WWOX: variants seen among roughly 807,000 people sequenced by gnomAD.
WWOX encodes the protein WW domain containing oxidoreductase.
In WWOX, 69 loss-of-function variants were observed where a neutral mutation model predicts 46.2. The ratio of observed to expected loss-of-function variants is 1.49; its 90% CI spans 1.23 to 1.82. The LOEUF is 1.82. Among genes scored for constraint, WWOX ranks in the 40% most tolerant of loss-of-function variants. The pLI is 0.00. For synonymous variants in WWOX, 359 were observed against 202.6 expected (o/e 1.77, Z -6.56); for missense variants, 919 against 542.6 (o/e 1.69, Z -6.89).
chr16:78,662,248 A>C (rs553293841), intron 8 of WWOX, among the ~76,000 whole-genome samples: 1 of 152,168 alleles, frequency 6.6e-6, no homozygotes, highest in Non-Finnish European at 1.5e-5. Flanking sequence ...ACCTCCTGCT[A>C]TCTGTACATA....
intron 8 of WWOX, among the ~76,000 whole-genome samples, chr16:78,991,863 G>A (rs1302546556): frequency 1.3e-5 from 2 of 152,088 alleles, no homozygotes; most frequent in African/African-American, 2.4e-5. Context: ...CTGTCCATGT[G>A]GGGCCCTGTG....
At chr16:78,230,695 A>G (rs1394976683) in intron 5 of WWOX, among the ~76,000 whole-genome samples, 1 of 152,214 alleles carries the variant, frequency 6.6e-6, no homozygotes, top group Non-Finnish European at 1.5e-5. Flanking sequence ...ATGGTCTCAG[A>G]TCCACTTCTA....
At chr16:78,816,118 C>T (rs1029420525) in intron 8 of WWOX, among the ~76,000 whole-genome samples, 1 of 152,138 alleles carries the variant, frequency 6.6e-6, no homozygotes, top group Admixed American at 6.6e-5. Flanking sequence ...AAATACTCCC[C>T]AAAATGAAGG....
chr16:79,011,391 A>T (rs548958218), intron 8 of WWOX, among the ~76,000 whole-genome samples: 3 of 151,874 alleles, frequency 2.0e-5, no homozygotes, highest in Non-Finnish European at 2.9e-5. Context: ...TTGGTGTTCG[A>T]TCTGGAATCT....
At chr16:78,569,601 G>C (rs953699786) in intron 8 of WWOX, among the ~76,000 whole-genome samples, 1 of 152,162 alleles carries the variant, frequency 6.6e-6, no homozygotes, top group Admixed American at 6.5e-5. Flanking sequence ...TGTTGAAAAA[G>C]AATCGCTGTA....
chr16:78,966,834 G>A lies in WWOX; in HGVS notation c.1057-244774G>A, dbSNP rs978374777. On this transcript the variant is annotated intron_variant, in intron 8 of 8. Transcript: ENST00000566780. ...AGAATTACCTACTGCTTTGGGCCTC[G>A]GGTACTAAATTTGTGAAATGGGAAA... Among the ~76,000 whole-genome samples, 5 of 152,072 alleles carry A rather than the reference G, an allele frequency of 3.3e-5. No homozygotes were observed. In the East Asian group the frequency reaches 5.8e-4, roughly 18 times the overall value.
chr16:78,123,773 A>G (rs535874090), intron 4 of WWOX: 2 of 151,876 alleles, frequency 1.3e-5, no homozygotes, highest in East Asian at 3.9e-4. Context: ...TTTTTTTCTA[A>G]GAATATAGTG....
chr16:78,315,198 A>C (rs953256318), intron 5 of WWOX, among the ~76,000 whole-genome samples: 2 of 152,204 alleles, frequency 1.3e-5, no homozygotes, highest in African/African-American at 4.8e-5. Flanking sequence ...ATTTTCCCTG[A>C]AACAGCTACC....
intron 4 of WWOX, among the ~76,000 whole-genome samples, chr16:78,157,320 C>T (rs539489427): frequency 6.6e-6 from 1 of 152,264 alleles, no homozygotes; most frequent in Non-Finnish European, 1.5e-5. Flanking sequence ...TGCCTGCCCC[C>T]AGCCAGCTGG....
intron 5 of WWOX, among the ~76,000 whole-genome samples, chr16:78,204,765 A>G (rs914362209): frequency 1.4e-4 from 21 of 152,196 alleles, no homozygotes; most frequent in African/African-American, 4.6e-4. Context: ...GGGATGAGAA[A>G]TATGAGGGGA....
chr16:78,959,593 C>T (rs934303094), intron 8 of WWOX, among the ~76,000 whole-genome samples: 2 of 152,012 alleles, frequency 1.3e-5, no homozygotes, highest in African/African-American at 2.4e-5. Flanking sequence ...TGTGAGAACC[C>T]GTAGTATTGA....
chr16:78,863,023 A>C (rs890120931), intron 8 of WWOX, among the ~76,000 whole-genome samples: 5 of 150,416 alleles, frequency 3.3e-5, no homozygotes, highest in African/African-American at 1.2e-4. Context: ...CAGTGGTGCA[A>C]CCTTGGCTCA....
chr16:78,305,204 A>AT (rs983085454), intron 5 of WWOX, among the ~76,000 whole-genome samples: 5 of 151,566 alleles, frequency 3.3e-5, no homozygotes, highest in East Asian at 1.9e-4. Context: ...CACCAACTGA[A>AT]TTTTTTTTTC....
At chr16:78,804,862 C>T (rs1041744880) in intron 8 of WWOX, among the ~76,000 whole-genome samples, 1 of 152,174 alleles carries the variant, frequency 6.6e-6, no homozygotes, top group African/African-American at 2.4e-5. Flanking sequence ...AGGATGTAGC[C>T]ATGACAGTAT....
chr16:78,632,594 T>C (rs376824551), intron 8 of WWOX, among the ~76,000 whole-genome samples: 1 of 123,894 alleles, frequency 8.1e-6, no homozygotes, highest in South Asian at 2.6e-4. Flanking sequence ...AGTCTCGTTC[T>C]GTCTCCCAGG....
At chr16:78,304,889 C>T (rs1040116379) in intron 5 of WWOX, among the ~76,000 whole-genome samples, 1 of 152,166 alleles carries the variant, frequency 6.6e-6, no homozygotes, top group Non-Finnish European at 1.5e-5. Flanking sequence ...GGGAAAATCC[C>T]CATTTTCCTC....
At chr16:78,919,807 A>C (rs1597151245) in intron 8 of WWOX, among the ~76,000 whole-genome samples, 2 of 152,036 alleles carry the variant, frequency 1.3e-5, no homozygotes, top group African/African-American at 4.8e-5. Context: ...GAGCCACTGC[A>C]CCTGACTAAG....
At chr16:79,042,548 T>A (rs2151412667) in intron 8 of WWOX, among the ~76,000 whole-genome samples, 1 of 152,310 alleles carries the variant, frequency 6.6e-6, no homozygotes, top group East Asian at 1.9e-4. Flanking sequence ...AATGTGGGTT[T>A]GTCTATTATT....
At chr16:78,913,462 C>G (rs1259433103) in intron 8 of WWOX, among the ~76,000 whole-genome samples, 1 of 151,892 alleles carries the variant, frequency 6.6e-6, no homozygotes, top group African/African-American at 2.4e-5. Flanking sequence ...CCCCTGCAGT[C>G]TTGATGTGAA....
Sources: allele counts gnomAD v4.1 joint callset (sites outside exome capture counted in the v4.1 genomes callset), GRCh38; gene constraint gnomAD v4.1.1; transcripts MANE v1.5; gene names NCBI Gene and HGNC (gene_info 2026-07-23, HGNC 2026-07-21).